Variants in SUPT3H observed in about 807,000 individuals in gnomAD.
The protein encoded by SUPT3H is SPT3 homolog, SAGA and STAGA complex component.
In SUPT3H, 44 loss-of-function variants were observed where a neutral mutation model predicts 44.3. That is an observed-to-expected ratio of 0.99 (90% CI 0.78 to 1.28). SUPT3H has a LOEUF of 1.28. Ranked by LOEUF, SUPT3H falls within the 50% of genes most tolerant of loss-of-function variation. The pLI, the probability that SUPT3H is intolerant of heterozygous loss-of-function variation, is 0.00. For missense variants in SUPT3H, 380 were observed against 387.1 expected, an observed-to-expected ratio of 0.98 and a Z score of 0.15; for synonymous variants, 124 against 125.6, an observed-to-expected ratio of 0.99 and a Z score of 0.09.
At chr6:45,208,804 C>T (rs1407959396) in intron 2 of SUPT3H, among the ~76,000 whole-genome samples, 1 of 151,934 alleles carries the variant, frequency 6.6e-6, no homozygotes, top group East Asian at 1.9e-4. Flanking sequence ...TCTAAAACTC[C>T]CATAGCTGGA....
At chr6:45,358,550 T>C (rs1793657594) in intron 2 of SUPT3H, among the ~76,000 whole-genome samples, 1 of 152,190 alleles carries the variant, frequency 6.6e-6, no homozygotes, top group Non-Finnish European at 1.5e-5. Flanking sequence ...TTGATGATGA[T>C]ATTTATTTTT....
At chr6:45,334,164 A>G (rs1436987058) in intron 2 of SUPT3H, among the ~76,000 whole-genome samples, 2 of 151,242 alleles carry the variant, frequency 1.3e-5, no homozygotes, top group Non-Finnish European at 3.0e-5. Context: ...CTAAAAAGGT[A>G]TATCTAAATA....
chr6:44,924,863 A>G (rs531577901), intron 10 of SUPT3H, among the ~76,000 whole-genome samples: 33 of 152,264 alleles, frequency 2.2e-4, no homozygotes, highest in African/African-American at 7.7e-4. Context: ...AAAAACACAT[A>G]TAATTTATTT....
intron 9 of SUPT3H, among the ~76,000 whole-genome samples, chr6:44,946,530 G>T (rs530680480): frequency 6.6e-6 from 1 of 152,118 alleles, no homozygotes; most frequent in African/African-American, 2.4e-5. Flanking sequence ...ATCACGAATG[G>T]CTTTGAGCGG....
chr6:45,039,430 C>T (rs1788170562), intron 3 of SUPT3H, among the ~76,000 whole-genome samples: 2 of 152,110 alleles, frequency 1.3e-5, no homozygotes, highest in South Asian at 4.2e-4. Flanking sequence ...GGATTGATTT[C>T]AGTATTTCTG....
At chr6:45,109,093 A>G (rs1330952284) in intron 2 of SUPT3H, among the ~76,000 whole-genome samples, 1 of 152,212 alleles carries the variant, frequency 6.6e-6, no homozygotes, top group Non-Finnish European at 1.5e-5. Context: ...AGGAATAGTC[A>G]AAACACTTTT....
intron 10 of SUPT3H, among the ~76,000 whole-genome samples, chr6:44,927,528 A>C (rs1431789252): frequency 6.6e-6 from 1 of 152,222 alleles, no homozygotes; most frequent in Non-Finnish European, 1.5e-5. Context: ...ACTGAAATTG[A>C]AGAAACTTTA....
intron 2 of SUPT3H, among the ~76,000 whole-genome samples, chr6:45,268,728 T>C (rs1283685663): frequency 6.6e-6 from 1 of 151,838 alleles, no homozygotes; most frequent in Non-Finnish European, 1.5e-5. Context: ...CCATAACTAT[T>C]CAACAAAACT....
intron 2 of SUPT3H, among the ~76,000 whole-genome samples, chr6:45,289,705 G>A (rs954223283): frequency 9.2e-5 from 14 of 152,016 alleles, no homozygotes; most frequent in African/African-American, 2.9e-4. Flanking sequence ...AAGTAAACAC[G>A]AGAAAACATC....
chr6:45,319,854 T>C (rs6927456), intron 2 of SUPT3H, among the ~76,000 whole-genome samples: 1,879 of 152,270 alleles, frequency 0.012, 51 homozygotes, highest in African/African-American at 0.043. Flanking sequence ...TGCTTAGGCA[T>C]TAAACGTAGT....
At chr6:45,252,778 AC>A (rs1772607761) in intron 2 of SUPT3H, among the ~76,000 whole-genome samples, 1 of 152,224 alleles carries the variant, frequency 6.6e-6, no homozygotes, top group Non-Finnish European at 1.5e-5. Context: ...TGGTAGAGCA[AC>A]AAGACAAATG....
intron 2 of SUPT3H, among the ~76,000 whole-genome samples, chr6:45,167,120 T>C (rs574463395): frequency 6.6e-6 from 1 of 152,288 alleles, no homozygotes; most frequent in East Asian, 1.9e-4. Flanking sequence ...AGACACAATC[T>C]TGTAATATAA....
At chr6:45,096,876 G>T (rs1040297551) in intron 3 of SUPT3H, among the ~76,000 whole-genome samples, 1 of 151,988 alleles carries the variant, frequency 6.6e-6, no homozygotes, top group African/African-American at 2.4e-5. Context: ...ACTTCGAGGT[G>T]CTATATTCAA....
At chr6:45,258,860 A>G (rs1421823810) in intron 2 of SUPT3H, among the ~76,000 whole-genome samples, 1 of 152,322 alleles carries the variant, frequency 6.6e-6, no homozygotes, top group African/African-American at 2.4e-5. Flanking sequence ...ACAAGGCTTC[A>G]AAGTATCCCT....
chr6:45,107,646 C>T (rs1799466335), intron 2 of SUPT3H, among the ~76,000 whole-genome samples: 1 of 152,112 alleles, frequency 6.6e-6, no homozygotes, highest in Non-Finnish European at 1.5e-5. Flanking sequence ...CCCACAGGTA[C>T]CTTGTAGAAA....
chr6:45,019,990 C>T (rs968931952), intron 4 of SUPT3H, among the ~76,000 whole-genome samples: 1 of 151,834 alleles, frequency 6.6e-6, no homozygotes, highest in Admixed American at 6.6e-5. Context: ...CAAATATCAG[C>T]TTAAATATTT....
intron 3 of SUPT3H, among the ~76,000 whole-genome samples, chr6:45,049,828 A>G (rs1789993400): frequency 6.6e-6 from 1 of 152,224 alleles, no homozygotes; most frequent in Non-Finnish European, 1.5e-5. Context: ...CTCTTAAAGC[A>G]GCCCCTTACA....
chr6:44,950,170 C>T (rs565112576), intron 9 of SUPT3H, among the ~76,000 whole-genome samples: 1 of 152,318 alleles, frequency 6.6e-6, no homozygotes, highest in South Asian at 2.1e-4. Context: ...ACCTCAAGTT[C>T]ATCCCAGCAG....
chr6:45,036,458 C>G (rs1787690479), intron 3 of SUPT3H, among the ~76,000 whole-genome samples: 1 of 151,960 alleles, frequency 6.6e-6, no homozygotes, highest in Admixed American at 6.6e-5. Context: ...GTAAAAGATT[C>G]TAGACATATC....
Sources: gnomAD v4.1 joint callset for allele counts (sites outside exome capture counted in the v4.1 genomes callset) on GRCh38, gnomAD v4.1.1 for gene constraint, MANE v1.5 for transcripts, NCBI Gene and HGNC (gene_info 2026-07-23, HGNC 2026-07-21) for gene names.